The following CASP4 variants were observed in gnomAD, a reference collection of about 807,000 sequenced individuals.
CASP4 encodes caspase-4.
A neutral mutation model predicts 41.3 loss-of-function variants in CASP4; 29 were observed. That is an observed-to-expected ratio of 0.70 (90% CI 0.52 to 0.96). The LOEUF (loss-of-function observed/expected upper bound fraction) is 0.96. Ranked by LOEUF, CASP4 falls within the 40% of genes least tolerant of loss-of-function variation. CASP4 has a pLI of 0.00. For synonymous variants in CASP4, 185 were observed against 158.4 expected (o/e 1.17, Z -1.26); for missense variants, 447 against 460.6 (o/e 0.97, Z 0.27).
intron 8 of CASP4, 55 bp downstream of exon 8, chr11:104,944,692 AC>A (rs1860410186): frequency 3.5e-6 from 4 of 1,127,370 alleles, no homozygotes; most frequent in Non-Finnish European, 5.4e-6. Context: ...GAACTTAACC[AC>A]CAATATCACT....
rs115294317 is a variant in CASP4 at position 104,953,653 on chromosome 11, G to C, written c.262+1094C>G. 7.5e-3 allele frequency among the ~76,000 whole-genome samples: 1,144 copies of C among 152,170 alleles called. 20 individuals carry two copies. The highest frequency in any genetic ancestry group is 0.026 in the African/African-American group (1,068 of 41,534). On this transcript the variant is annotated intron_variant, in intron 2 of 8. Coordinates refer to ENST00000444739, the MANE Select transcript of CASP4 (RefSeq NM_001225.4). ...GAGTGCTGATTGAAAAAGCTCATTTGATATAGTGAGGTCTCAACAATTTAT... is the reference window on the plus strand; with the variant it reads ...GAGTGCTGATTGAAAAAGCTCATTTCATATAGTGAGGTCTCAACAATTTAT...
intron 1 of CASP4, among the ~76,000 whole-genome samples, chr11:104,967,583 T>C (rs982483401): frequency 6.6e-6 from 1 of 152,152 alleles, no homozygotes; most frequent in African/African-American, 2.4e-5. Context: ...AACTAACTGG[T>C]CAACTTTCCT....
At chr11:104,945,335 C>A (rs544542338) in intron 7 of CASP4, among the ~76,000 whole-genome samples, 1 of 151,886 alleles carries the variant, frequency 6.6e-6, no homozygotes, top group African/African-American at 2.4e-5. Context: ...TCACTGCAAC[C>A]TCCGCCTCCA....
At position 104,958,128 on chromosome 11, in the gene CASP4, A is replaced by G. The variant is rs149551354; in HGVS notation, c.8-3127T>C. ...AAAATCTCTAAACATATACAAAAAT[A>G]AACTCAAAATGAGTTAAATATGTAA... On this transcript the variant is annotated intron_variant, in intron 1 of 8. Transcript: ENST00000444739. Among the ~76,000 whole-genome samples the G allele has an allele frequency of 2.0e-5, 3 of 152,348 alleles. No individual in the cohort carries two copies. In the East Asian group the frequency reaches 5.8e-4, roughly 29 times the overall value.
At chr11:104,964,230 T>C (rs916172995) in intron 1 of CASP4, among the ~76,000 whole-genome samples, 2 of 152,174 alleles carry the variant, frequency 1.3e-5, no homozygotes, top group African/African-American at 4.8e-5. Flanking sequence ...GGACTCTGAG[T>C]GCAGGTCTCA....
Position 104,954,898 on chromosome 11 carries a change from C to G in CASP4, c.111G>C (p.Trp37Cys), listed in dbSNP as rs1018582802. 1 of 1,613,724 alleles carries G rather than the reference C, an allele frequency of 6.2e-7. No homozygotes were observed. The highest frequency in any genetic ancestry group is 8.5e-7 in the Non-Finnish European group (1 of 1,179,758). The change falls in exon 2 of 9, where the codon TGG becomes TGC. Residue 37 changes from tryptophan (W) to cysteine (C), a missense_variant. By Grantham distance (215) the Trp-to-Cys change is radical. Coordinates refer to ENST00000444739, the MANE Select transcript of CASP4 (RefSeq NM_001225.4). ...DNLVEQNVLN[W>C]KEEEKKKYYD... ...AATATTTCTTTTTTTCCTCTTCCTT[C>G]CAGTTCAGTACATTTTGTTCCACCA...
At position 104,948,737 on chromosome 11, in the gene CASP4, G is replaced by C. The variant is rs140182010; in HGVS notation, c.782-61C>G. 667 of 1,464,130 alleles carry C rather than the reference G, an allele frequency of 4.6e-4. 5 individuals are homozygous for C. In the African/African-American group the frequency reaches 8.4e-3, roughly 18 times the overall value. The allele number at this position is 1,464,130 out of a possible 1,614,324, so 90.7% of individuals were successfully genotyped here. A position where few individuals can be genotyped will look rare whatever the true frequency, so the allele number is the denominator to read the frequency against. On this transcript the variant is annotated intron_variant, in intron 5 of 8. Coordinates refer to ENST00000444739, the MANE Select transcript of CASP4 (RefSeq NM_001225.4). ...CTCCCACAGAATGGCTGTCACAGTT[G>C]CCCACCTTGTTCTTTTTGAATGTTC...
intron 7 of CASP4, among the ~76,000 whole-genome samples, chr11:104,945,851 C>T (rs615519): frequency 0.99 from 151,199 of 152,028 alleles, 75,189 homozygotes; most frequent in Middle Eastern, 1. Flanking sequence ...ACTTTTCTTT[C>T]TTTTTCTTTT....
At chr11:104,956,668 A>T (rs1253551210) in intron 1 of CASP4, 1 of 984,620 alleles carries the variant, frequency 1.0e-6, no homozygotes, top group African/African-American at 1.7e-5. Context: ...ACATTAGTGC[A>T]TTCCAACAGG....
intron 2 of CASP4, 87 bp downstream of exon 2, chr11:104,954,660 G>A (rs1179593388): frequency 2.5e-6 from 3 of 1,176,544 alleles, no homozygotes; most frequent in African/African-American, 3.1e-5. Flanking sequence ...GGAAAGATAG[G>A]GGAATCACAG....
chr11:104,958,121 C>A (rs1314690502), intron 1 of CASP4, among the ~76,000 whole-genome samples: 1 of 151,982 alleles, frequency 6.6e-6, no homozygotes, highest in Non-Finnish European at 1.5e-5. Context: ...TAAACATATA[C>A]AAAAATAAAC....
chr11:104,957,184 A>C (rs1022239551), intron 1 of CASP4, among the ~76,000 whole-genome samples: 1 of 152,198 alleles, frequency 6.6e-6, no homozygotes, highest in African/African-American at 2.4e-5. Context: ...AATCTTTTAG[A>C]ACAAATAAAC....
intron 1 of CASP4, among the ~76,000 whole-genome samples, chr11:104,963,743 G>C (rs1352386405): frequency 6.6e-6 from 1 of 152,078 alleles, no homozygotes; most frequent in Non-Finnish European, 1.5e-5. Context: ...TTGGCTTTAG[G>C]TTGCCTTGCA....
intron 1 of CASP4, among the ~76,000 whole-genome samples, chr11:104,966,507 G>C (rs1860978935): frequency 6.6e-6 from 1 of 152,218 alleles, no homozygotes; most frequent in South Asian, 2.1e-4. Flanking sequence ...CATAAGCAAA[G>C]TGTGTCTCAG....
At chr11:104,944,076 C>T (rs1309496909) in intron 8 of CASP4, 7 of 152,156 alleles carry the variant, frequency 4.6e-5, no homozygotes, top group African/African-American at 7.2e-5. Context: ...GAAGGAACTT[C>T]TGGACTGTGA....
chr11:104,968,048 G>A (rs994924864), intron 1 of CASP4, among the ~76,000 whole-genome samples: 3 of 152,008 alleles, frequency 2.0e-5, no homozygotes, highest in East Asian at 3.9e-4. Context: ...CAGGACCAAC[G>A]AGAAAGAGGA....
intron 1 of CASP4, 28 bp downstream of exon 1, chr11:104,968,491 C>T (rs1384786182): frequency 3.1e-6 from 5 of 1,607,134 alleles, no homozygotes; most frequent in Non-Finnish European, 3.4e-6. Context: ...GTTCCTACTC[C>T]CAAACTCCTA....
chr11:104,965,436 C>T (rs934223487), intron 1 of CASP4, among the ~76,000 whole-genome samples: 1 of 152,194 alleles, frequency 6.6e-6, no homozygotes, highest in South Asian at 2.1e-4. Flanking sequence ...CTTTTCCCAT[C>T]TTCATAGCCT....
intron 7 of CASP4, 70 bp downstream of exon 7, chr11:104,947,013 G>T: frequency 9.3e-7 from 1 of 1,080,156 alleles, no homozygotes; most frequent in Non-Finnish European, 1.4e-6. Context: ...TTGTCATTGT[G>T]AAGTAAAAAG....
Sources: gnomAD v4.1 joint callset for allele counts (sites outside exome capture counted in the v4.1 genomes callset) on GRCh38, gnomAD v4.1.1 for gene constraint, MANE v1.5 for transcripts, NCBI Gene and HGNC (gene_info 2026-07-23, HGNC 2026-07-21) for gene names.